Variants in ENTPD4 observed in about 807,000 individuals in gnomAD.
The protein encoded by ENTPD4 is ectonucleoside triphosphate diphosphohydrolase 4.
Under a neutral mutation model 79.1 loss-of-function variants are expected in ENTPD4, and 60 were observed. That is an observed-to-expected ratio of 0.76 (90% CI 0.62 to 0.94). The LOEUF (loss-of-function observed/expected upper bound fraction) is 0.94. ENTPD4 is among the 40% of genes least tolerant of loss of function. ENTPD4 has a pLI of 0.00. For missense variants in ENTPD4, 772 were observed against 775.1 expected, an observed-to-expected ratio of 1.00 and a Z score of 0.05; for synonymous variants, 276 against 292.0, an observed-to-expected ratio of 0.95 and a Z score of 0.56.
Position 23,429,488 on chromosome 8 carries a change from T to C in ENTPD4, c.*3438A>G. The C allele has an allele frequency of 1.0e-6, 1 of 985,422 alleles. No homozygotes were observed. The highest frequency in any genetic ancestry group is 4.7e-5 in the South Asian group (1 of 21,282). 61.0% of individuals were successfully genotyped at this position (985,422 alleles called of 1,614,324 possible). A position where few individuals can be genotyped will look rare whatever the true frequency, so the allele number is the denominator to read the frequency against. The stretch of plus-strand genomic sequence containing the variant: ...GTAATTTACTGAAAGGTAGTTTTGT[T>C]GCATTGCACACAACTGACCGCAGAG... On this transcript the variant is annotated 3_prime_UTR_variant, in exon 13 of 13. Coordinates refer to ENST00000358689, the MANE Select transcript of ENTPD4 (RefSeq NM_004901.5).
At chr8:23,449,509 A>G (rs867548895) in intron 2 of ENTPD4, among the ~76,000 whole-genome samples, 1 of 152,216 alleles carries the variant, frequency 6.6e-6, no homozygotes, top group South Asian at 2.1e-4. Flanking sequence ...CAACATCCCC[A>G]TAACAAAGTC....
In ENTPD4 at chr8:23,447,755, T is replaced by A; in HGVS notation, c.337A>T (p.Asn113Tyr). 1 of 1,614,174 alleles carries A rather than the reference T, an allele frequency of 6.2e-7. No homozygotes were observed. Among genetic ancestry groups the A allele is most frequent in the South Asian group, 1.1e-5 (1 of 91,080 alleles). ...FVYCWPRHNG[N>Y]PHDLLDIRQM... is the part of the protein sequence containing the mutation. ...CTGATATCCAACAGATCATGTGGAT[T>A]GCCATTATGCCTTGGCCAGCAGTAA... Residue 113 changes from asparagine (N) to tyrosine (Y), a missense_variant, in exon 4 of 13, where the codon AAT becomes TAT. Asn to Tyr is a moderately radical substitution (Grantham distance 143). Coordinates refer to ENST00000358689, the MANE Select transcript of ENTPD4 (RefSeq NM_004901.5).
In ENTPD4 at chr8:23,441,661, T is replaced by C. The variant is rs1800672867; in HGVS notation, c.790A>G (p.Lys264Glu). The change falls in exon 8 of 13, where the codon AAA becomes GAA. Residue 264 changes from lysine (K) to glutamate (E), a missense_variant. By Grantham distance (56) the Lys-to-Glu change is moderately conservative (BLOSUM62 1). Transcript: ENST00000358689. ...ATGTCGAGAATGCCCGCTGTCCTTTTACGGACAATGGCTTCGCTGCTTTCA... is the reference window on the plus strand; with the variant it reads ...ATGTCGAGAATGCCCGCTGTCCTTTCACGGACAATGGCTTCGCTGCTTTCA... Reference protein sequence around the residue: ...GSESSEAIVRKRTAGILDMGG... With the variant: ...GSESSEAIVRERTAGILDMGG... 1 of 1,614,044 alleles carries C rather than the reference T, an allele frequency of 6.2e-7. No homozygotes were observed. The highest frequency in any genetic ancestry group is 8.5e-7 in the Non-Finnish European group (1 of 1,180,012).
chr8:23,451,608 C>T (rs905506934), intron 1 of ENTPD4, among the ~76,000 whole-genome samples: 3 of 152,170 alleles, frequency 2.0e-5, no homozygotes, highest in Non-Finnish European at 2.9e-5. Context: ...TCTACAAAGC[C>T]CTACAGGATC....
At position 23,433,081 on chromosome 8, in the gene ENTPD4, G is replaced by A. The variant is rs201149309; in HGVS notation, c.1696C>T (p.Leu566=). 1 of 1,614,086 alleles carries A rather than the reference G, an allele frequency of 6.2e-7. No homozygotes were observed. Among genetic ancestry groups the A allele is most frequent in the African/African-American group, 1.3e-5 (1 of 74,934 alleles). The change falls in exon 13 of 13, where the codon CTG becomes TTG. Residue 566 remains leucine, a synonymous_variant. Transcript: ENST00000358689. ...RGVSFVYNHY[L]FSGCFLVVLL... is the part of the protein sequence containing the mutation. ...ACCACCAGGAAGCAGCCAGAGAACA[G>A]GTAGTGGTTGTAGACAAAGGAAACG...
chr8:23,441,355 T>G, intron 8 of ENTPD4: 2 of 952,078 alleles, frequency 2.1e-6, no homozygotes, highest in Non-Finnish European at 2.5e-6. Flanking sequence ...AAACTCTACG[T>G]TCAGAAAACA....
intron 10 of ENTPD4, among the ~76,000 whole-genome samples, chr8:23,435,850 C>G (rs1585400952): frequency 6.6e-6 from 1 of 152,204 alleles, no homozygotes; most frequent in African/African-American, 2.4e-5. Context: ...GGACACAGTA[C>G]AAGCTACTGG....
chr8:23,447,958 CA>C (rs1295152564), intron 3 of ENTPD4, 73 bp from the exon 4 acceptor site: 1 of 1,235,174 alleles, frequency 8.1e-7, no homozygotes, highest in East Asian at 2.3e-5. Context: ...GAAAATGCAG[CA>C]AATACCAAGT....
chr8:23,436,039 TGA>T lies in ENTPD4; in HGVS notation c.1375-564_1375-563del, dbSNP rs1291930776. Among the ~76,000 whole-genome samples the T allele has an allele frequency of 3.3e-5, 5 of 152,140 alleles. No homozygotes were observed. The East Asian group carries it at 9.6e-4, about 29-fold the overall frequency. On this transcript the variant is annotated intron_variant, in intron 10 of 12. Coordinates refer to ENST00000358689, the MANE Select transcript of ENTPD4 (RefSeq NM_004901.5). ...TCTATTTAAAGGATGAAGACACTGC[TGA>T]GAGGTGGGAGATGGGCCTGGGTGTG...
intron 12 of ENTPD4, among the ~76,000 whole-genome samples, chr8:23,433,707 C>G (rs1008488608): frequency 6.6e-6 from 1 of 152,228 alleles, no homozygotes; most frequent in Non-Finnish European, 1.5e-5. Flanking sequence ...AGACAACAAA[C>G]TATCATTAGC....
At chr8:23,455,737 CCT>C (rs1376717484) in intron 1 of ENTPD4, among the ~76,000 whole-genome samples, 1 of 152,142 alleles carries the variant, frequency 6.6e-6, no homozygotes, top group African/African-American at 2.4e-5. Flanking sequence ...TCATTGAAGC[CCT>C]GTTACTGCAA....
In ENTPD4 at chr8:23,448,727, G is replaced by A; in HGVS notation, c.206+15C>T. On this transcript the variant is annotated intron_variant, in intron 3 of 12. Coordinates refer to ENST00000358689, the MANE Select transcript of ENTPD4 (RefSeq NM_004901.5). The stretch of plus-strand genomic sequence containing the variant: ...AAGGCTTCTGGTCTAGAAAGCAAAT[G>A]TTTTTATCTCTTACCTTTGAAATTT... The A allele has an allele frequency of 6.2e-7, 1 of 1,610,274 alleles. No individual in the cohort carries two copies. The highest frequency in any genetic ancestry group is 8.5e-7 in the Non-Finnish European group (1 of 1,176,928).
chr8:23,457,320 G>C (rs1563230858), intron 1 of ENTPD4, among the ~76,000 whole-genome samples: 1 of 152,076 alleles, frequency 6.6e-6, no homozygotes, highest in Non-Finnish European at 1.5e-5. Context: ...CAGGGGCTGG[G>C]GGAGCGCGCC....
chr8:23,450,042 G>C, intron 1 of ENTPD4, 45 bp from the exon 2 acceptor site: 1 of 976,940 alleles, frequency 1.0e-6, no homozygotes, highest in Non-Finnish European at 1.6e-6. Context: ...CATCATCAAA[G>C]AAAACATCTA....
chr8:23,433,189 G>C (rs530441511), intron 12 of ENTPD4, 35 bp from the exon 13 acceptor site: 1 of 1,594,218 alleles, frequency 6.3e-7, no homozygotes, highest in South Asian at 1.1e-5. Context: ...AAACAGGACA[G>C]TAAGCAAGGA....
chr8:23,429,551 C>G lies in ENTPD4; in HGVS notation c.*3375G>C. ...GATTTTTTTCTTAAAGGATGAAAAACTCATTTGCCATTTTTAGTTTCTTGC... is the reference window on the plus strand; with the variant it reads ...GATTTTTTTCTTAAAGGATGAAAAAGTCATTTGCCATTTTTAGTTTCTTGC... On this transcript the variant is annotated 3_prime_UTR_variant, in exon 13 of 13. Coordinates refer to ENST00000358689, the MANE Select transcript of ENTPD4 (RefSeq NM_004901.5). 1.0e-6 allele frequency: 1 copy of G among 985,202 alleles called. No individual in the cohort carries two copies. The highest frequency in any genetic ancestry group is 1.1e-4 in the East Asian group (1 of 8,832). 61.0% of individuals were successfully genotyped at this position (985,202 alleles called of 1,614,324 possible).
intron 6 of ENTPD4, among the ~76,000 whole-genome samples, chr8:23,442,701 G>C (rs1488235504): frequency 1.3e-5 from 2 of 151,252 alleles, no homozygotes; most frequent in South Asian, 2.1e-4. Flanking sequence ...AAAAATTCAA[G>C]GTATCTTCTG....
At chr8:23,446,053 C>T (rs1800758291) in intron 4 of ENTPD4, among the ~76,000 whole-genome samples, 1 of 152,182 alleles carries the variant, frequency 6.6e-6, no homozygotes, top group Non-Finnish European at 1.5e-5. Flanking sequence ...GCACTCGAAG[C>T]CCTAAACTAG....
Position 23,437,104 on chromosome 8 carries a change from A to G in ENTPD4, c.1204T>C (p.Phe402Leu), listed in dbSNP as rs1199244610. ...TGGGTCTCGTTTGTTTTATTCATGA[A>G]AGGCTGGATAGTCTCTCGACACAGG... ...FDLCRETIQP[F>L]MNKTNETQTS... Residue 402 changes from phenylalanine (F) to leucine (L), a missense_variant, in exon 10 of 13, where the codon TTC (phenylalanine) becomes CTC (leucine). Physicochemically the swap from Phe to Leu is conservative, Grantham distance 22. Coordinates refer to ENST00000358689, the MANE Select transcript of ENTPD4 (RefSeq NM_004901.5). The G allele has an allele frequency of 6.2e-7, 1 of 1,614,164 alleles. No individual in the cohort carries two copies. The highest frequency in any genetic ancestry group is 1.7e-5 in the Admixed American group (1 of 60,034).
Sources: gnomAD v4.1 joint callset for allele counts (sites outside exome capture counted in the v4.1 genomes callset) on GRCh38, gnomAD v4.1.1 for gene constraint, MANE v1.5 for transcripts, NCBI Gene and HGNC (gene_info 2026-07-23, HGNC 2026-07-21) for gene names.